SLC24A4: variants seen among roughly 807,000 people sequenced by gnomAD.
SLC24A4 encodes solute carrier family 24 member 4, also known as sodium/potassium/calcium exchanger 4.
A neutral mutation model predicts 79.0 loss-of-function variants in SLC24A4; 53 were observed. The ratio of observed to expected loss-of-function variants is 0.67; its 90% CI spans 0.54 to 0.84. SLC24A4 has a LOEUF of 0.84. Ranked by LOEUF, SLC24A4 falls within the 40% of genes least tolerant of loss-of-function variation. SLC24A4 has a pLI of 0.00. For missense variants in SLC24A4, 731 were observed against 822.0 expected (o/e 0.89, Z 1.35); for synonymous variants, 323 against 323.8 (o/e 1.00, Z 0.03).
chr14:92,327,090 C>T (rs548556166), intron 2 of SLC24A4, among the ~76,000 whole-genome samples: 24 of 152,332 alleles, frequency 1.6e-4, no homozygotes, highest in African/African-American at 5.8e-4. Flanking sequence ...TCACAGAACT[C>T]GTAAGTGGTG....
chr14:92,326,273 A>ATGT (rs10639806), intron 2 of SLC24A4, among the ~76,000 whole-genome samples: 145,503 of 152,196 alleles, frequency 0.96, 69,874 homozygotes, highest in East Asian at 1. Flanking sequence ...TGCTCTCTTG[A>ATGT]TGTTTGCGGC....
rs1041832298 is a variant in SLC24A4 at position 92,325,734 on chromosome 14, C to G, written c.131-134C>G. 5.5e-5 allele frequency: 33 copies of G among 601,890 alleles called. No individual in the cohort carries two copies. The Admixed American group carries it at 6.9e-4, about 13-fold the overall frequency. The allele number at this position is 601,890 out of a possible 1,614,324, so 37.3% of individuals were successfully genotyped here. ...AGGTGATATTATACTTCCAATCATCCTATCAGTCCCTAAAGATGGCTCTGA... is the reference window on the plus strand; with the variant it reads ...AGGTGATATTATACTTCCAATCATCGTATCAGTCCCTAAAGATGGCTCTGA... On this transcript the variant is annotated intron_variant, in intron 1 of 16. Coordinates refer to ENST00000532405, the MANE Select transcript of SLC24A4 (RefSeq NM_153646.4).
chr14:92,459,279 TG>T (rs1275580324), intron 12 of SLC24A4, among the ~76,000 whole-genome samples: 2 of 152,216 alleles, frequency 1.3e-5, no homozygotes, highest in Non-Finnish European at 2.9e-5. Context: ...GTCCTTGTAC[TG>T]GGAGCTGCTG....
At chr14:92,370,173 A>G (rs1170478695) in intron 2 of SLC24A4, among the ~76,000 whole-genome samples, 3 of 152,238 alleles carry the variant, frequency 2.0e-5, no homozygotes, top group Non-Finnish European at 2.9e-5. Flanking sequence ...ATTGCAAAAG[A>G]GAGCCCATAG....
intron 10 of SLC24A4, chr14:92,453,024 C>G (rs1238675840): frequency 1.3e-5 from 2 of 152,274 alleles, no homozygotes; most frequent in African/African-American, 2.4e-5. Flanking sequence ...CTTCTGCATG[C>G]TGTGTTCATG....
At chr14:92,476,463 T>C (rs971126932) in intron 12 of SLC24A4, among the ~76,000 whole-genome samples, 4 of 150,904 alleles carry the variant, frequency 2.7e-5, no homozygotes, top group African/African-American at 9.7e-5. Flanking sequence ...TTTTTTTTTT[T>C]AGTAAAAATA....
chr14:92,372,144 G>A (rs1039813778), intron 2 of SLC24A4, among the ~76,000 whole-genome samples: 13 of 152,200 alleles, frequency 8.5e-5, no homozygotes, highest in African/African-American at 3.1e-4. Flanking sequence ...GGGGTTGTTG[G>A]GAGAGGAGCC....
At position 92,497,783 on chromosome 14, in the gene SLC24A4, T is replaced by A. The variant is rs575751263; in HGVS notation, c.*4155T>A. 6.6e-6 allele frequency: 1 copy of A among 152,452 alleles called. No individual in the cohort carries two copies. Among genetic ancestry groups the A allele is most frequent in the Admixed American group, 6.5e-5 (1 of 15,282 alleles). 9.4% of individuals were successfully genotyped at this position (152,452 alleles called of 1,614,324 possible). On this transcript the variant is annotated 3_prime_UTR_variant, in exon 17 of 17. Coordinates refer to ENST00000532405, the MANE Select transcript of SLC24A4 (RefSeq NM_153646.4). ...GGTCTTTTGTCTCGCATCCCCATCT[T>A]TCCTTTCCTTCTGGGCCATGCTCCT...
At chr14:92,438,008 T>A (rs1219581545) in intron 3 of SLC24A4, among the ~76,000 whole-genome samples, 1 of 152,022 alleles carries the variant, frequency 6.6e-6, no homozygotes, top group Non-Finnish European at 1.5e-5. Flanking sequence ...GCGTGTGGGT[T>A]TTTTCCCCAC....
intron 2 of SLC24A4, among the ~76,000 whole-genome samples, chr14:92,420,768 G>A (rs1030323956): frequency 2.0e-5 from 3 of 152,120 alleles, no homozygotes; most frequent in Non-Finnish European, 2.9e-5. Flanking sequence ...TAAGTCTAGA[G>A]TCCACCTCTA....
At chr14:92,461,345 A>G (rs954336236) in intron 12 of SLC24A4, among the ~76,000 whole-genome samples, 2 of 152,184 alleles carry the variant, frequency 1.3e-5, no homozygotes, top group Non-Finnish European at 2.9e-5. Context: ...GAATTCTTCT[A>G]TTGCTCTGTA....
intron 2 of SLC24A4, among the ~76,000 whole-genome samples, chr14:92,390,450 C>T (rs965695707): frequency 6.6e-6 from 1 of 152,148 alleles, no homozygotes; most frequent in African/African-American, 2.4e-5. Flanking sequence ...TAACCCCTCC[C>T]CTAGTTAAAG....
At chr14:92,405,948 G>A (rs1890350120) in intron 2 of SLC24A4, among the ~76,000 whole-genome samples, 1 of 152,148 alleles carries the variant, frequency 6.6e-6, no homozygotes, top group South Asian at 2.1e-4. Context: ...TAATGGAAAA[G>A]TCCAAGTCCA....
intron 2 of SLC24A4, among the ~76,000 whole-genome samples, chr14:92,352,387 G>A (rs10873421): frequency 0.73 from 110,822 of 152,066 alleles, 41,289 homozygotes; most frequent in East Asian, 0.93. Flanking sequence ...TGGTATAGCC[G>A]TACAGGTGAA....
intron 14 of SLC24A4, among the ~76,000 whole-genome samples, 156 bp downstream of exon 14, chr14:92,486,936 A>G (rs1179598596): frequency 6.6e-6 from 1 of 152,216 alleles, no homozygotes; most frequent in African/African-American, 2.4e-5. Context: ...AGCATCATTT[A>G]TTAGATTCCA....
At chr14:92,418,279 T>A (rs1028814686) in intron 2 of SLC24A4, among the ~76,000 whole-genome samples, 3 of 152,168 alleles carry the variant, frequency 2.0e-5, no homozygotes, top group African/African-American at 7.2e-5. Context: ...GGTCCCTGGC[T>A]CACGGCTGTG....
chr14:92,411,934 C>CAA (rs548292187), intron 2 of SLC24A4, among the ~76,000 whole-genome samples: 141 of 146,192 alleles, frequency 9.6e-4, no homozygotes, highest in African/African-American at 3.2e-3. Context: ...TGCAAGTGAC[C>CAA]AAAAAACAAA....
At chr14:92,459,334 C>T (rs1893661366) in intron 12 of SLC24A4, among the ~76,000 whole-genome samples, 1 of 152,156 alleles carries the variant, frequency 6.6e-6, no homozygotes, top group Non-Finnish European at 1.5e-5. Flanking sequence ...AGGTCACTTC[C>T]CAGGGTCAGA....
chr14:92,444,964 CACACA>C (rs1892713107), intron 7 of SLC24A4, among the ~76,000 whole-genome samples: 1 of 149,066 alleles, frequency 6.7e-6, no homozygotes, highest in Non-Finnish European at 1.5e-5. Flanking sequence ...CACACACACA[CACACA>C]CACTTAGCTA....
Sources: allele counts gnomAD v4.1 joint callset (sites outside exome capture counted in the v4.1 genomes callset), GRCh38; gene constraint gnomAD v4.1.1; transcripts MANE v1.5; gene names NCBI Gene and HGNC (gene_info 2026-07-23, HGNC 2026-07-21).